Variants in ACOT11 observed in about 807,000 individuals in gnomAD.
ACOT11 encodes the protein acyl-CoA thioesterase 11.
Under a neutral mutation model 77.5 loss-of-function variants are expected in ACOT11, and 69 were observed. The observed-to-expected ratio is 0.89, with a 90% CI of 0.73 to 1.09. ACOT11 has a LOEUF of 1.09. Ranked by LOEUF, ACOT11 falls within the 50% of genes least tolerant of loss-of-function variation. ACOT11 has a pLI of 0.00. For missense variants in ACOT11, 766 were observed against 813.7 expected (o/e 0.94, Z 0.71); for synonymous variants, 279 against 313.0 (o/e 0.89, Z 1.15).
chr1:54,578,161 G>T (rs1467279118), intron 1 of ACOT11, among the ~76,000 whole-genome samples: 1 of 151,668 alleles, frequency 6.6e-6, no homozygotes, highest in East Asian at 1.9e-4. Context: ...AGATGCCAAA[G>T]TGACAAGGGG....
At chr1:54,590,054 C>T (rs1390006552) in intron 3 of ACOT11, among the ~76,000 whole-genome samples, 2 of 151,522 alleles carry the variant, frequency 1.3e-5, no homozygotes, top group Non-Finnish European at 2.9e-5. Context: ...TGCCATAGCA[C>T]TCCAGCCTGG....
chr1:54,607,365 C>G lies in ACOT11; in HGVS notation c.1502+100C>G. The G allele has an allele frequency of 6.4e-7, 1 of 1,554,028 alleles. No individual in the cohort carries two copies. The highest frequency in any genetic ancestry group is 2.3e-5 in the East Asian group (1 of 44,120). ...GAAGGGCATCAGCCTGGAGCCAGAGCTCTGCTTCCCATTGGCTGTGGGGCC... is the reference window on the plus strand; with the variant it reads ...GAAGGGCATCAGCCTGGAGCCAGAGGTCTGCTTCCCATTGGCTGTGGGGCC... On this transcript the variant is annotated intron_variant, in intron 14 of 15. Coordinates refer to ENST00000343744, the MANE Select transcript of ACOT11 (RefSeq NM_147161.4). The surrounding 1 kb of genome is among the most constrained non-coding windows in gnomAD (Gnocchi z 4.5).
downstream of ACOT11, chr1:54,614,959 TGC>T (rs1644157338): frequency 1.2e-5 from 14 of 1,210,450 alleles, no homozygotes; most frequent in East Asian, 2.4e-5. Context: ...TGTGTGCATG[TGC>T]GTGCACAGTG....
chr1:54,620,128 A>C (rs988715868), intron 15 of ACOT11: 1 of 1,064,518 alleles, frequency 9.4e-7, no homozygotes, highest in Non-Finnish European at 1.3e-6. Context: ...TGGCAGAGGG[A>C]CGGTGAGGCT....
chr1:54,608,786 A>G (rs866345749), intron 15 of ACOT11, among the ~76,000 whole-genome samples, 171 bp from the exon 16 acceptor site: 1 of 152,082 alleles, frequency 6.6e-6, no homozygotes, highest in Non-Finnish European at 1.5e-5. Flanking sequence ...GGAGGAGGTC[A>G]TGCTGGGCAA....
chr1:54,602,740 G>T lies in ACOT11; in HGVS notation c.1085+16G>T. On this transcript the variant is annotated intron_variant, in intron 10 of 15. Coordinates refer to ENST00000343744, the MANE Select transcript of ACOT11 (RefSeq NM_147161.4). ...GCCTGGACAGGTGAGTAGGGGCTGA[G>T]TGGTGGGCAGAATGTGGATTCGGGG... 2 of 1,526,316 alleles carry T rather than the reference G, an allele frequency of 1.3e-6. No homozygotes were observed. The highest frequency in any genetic ancestry group is 8.8e-7 in the Non-Finnish European group (1 of 1,138,030). The allele number at this position is 1,526,316 out of a possible 1,614,324, so 94.5% of individuals were successfully genotyped here.
At chr1:54,580,413 C>T (rs1352422219) in intron 1 of ACOT11, among the ~76,000 whole-genome samples, 4 of 152,166 alleles carry the variant, frequency 2.6e-5, no homozygotes, top group African/African-American at 7.2e-5. Context: ...ACTTCTTGGC[C>T]TGGCCCCCAA....
chr1:54,614,897 A>G, downstream of ACOT11: 1 of 1,600,606 alleles, frequency 6.2e-7, no homozygotes, highest in Non-Finnish European at 8.5e-7. Flanking sequence ...GAAATGGCGA[A>G]GGAACTAGGA....
At chr1:54,574,029 CAAAAA>C (rs368096166) in intron 1 of ACOT11, among the ~76,000 whole-genome samples, 1 of 87,380 alleles carries the variant, frequency 1.1e-5, no homozygotes, top group African/African-American at 4.0e-5. Flanking sequence ...AACTCCATCT[CAAAAA>C]AAAAAAAAAA....
At chr1:54,623,207 A>G in intron 15 of ACOT11, 1 of 998,422 alleles carries the variant, frequency 1.0e-6, no homozygotes, top group Non-Finnish European at 1.6e-6. Context: ...TCAGAGCTGT[A>G]AGTGAGAAGT....
intron 1 of ACOT11, among the ~76,000 whole-genome samples, chr1:54,566,555 G>A (rs543882487): frequency 3.7e-4 from 56 of 151,688 alleles, no homozygotes; most frequent in East Asian, 1.9e-3. Flanking sequence ...AAACTACCCC[G>A]AACCTTAGTA....
chr1:54,587,550 CTTTTTT>C (rs33913350), intron 3 of ACOT11, among the ~76,000 whole-genome samples: 2 of 73,542 alleles, frequency 2.7e-5, no homozygotes, highest in African/African-American at 5.9e-5. Context: ...GTTTGTAATC[CTTTTTT>C]TTTTTTTTTT....
intron 1 of ACOT11, among the ~76,000 whole-genome samples, chr1:54,579,625 G>A (rs1167305158): frequency 6.6e-6 from 1 of 152,208 alleles, no homozygotes; most frequent in East Asian, 1.9e-4. Context: ...GAGTGACCTG[G>A]TTCAGACAAT....
chr1:54,611,732 G>C (rs368604698), downstream of ACOT11: 43 of 1,614,106 alleles, frequency 2.7e-5, no homozygotes, highest in Non-Finnish European at 3.5e-5. Flanking sequence ...GCCTGCCACA[G>C]CGTCAGGCTG....
chr1:54,559,324 G>C (rs1345889389), intron 1 of ACOT11, among the ~76,000 whole-genome samples: 2 of 152,280 alleles, frequency 1.3e-5, no homozygotes, highest in African/African-American at 4.8e-5. Flanking sequence ...CCTCAGGGTC[G>C]AGGGAGGCTG....
At position 54,609,713 on chromosome 1, in the gene ACOT11, T is replaced by C; in HGVS notation, c.*601T>C. On this transcript the variant is annotated 3_prime_UTR_variant, in exon 16 of 16. Coordinates refer to ENST00000343744, the MANE Select transcript of ACOT11 (RefSeq NM_147161.4). ...TTTGGCCCCAACCCACACAGGCCAA[T>C]GCAAGAGGCCAAGGCTGGAGAGGCG... 6.2e-7 allele frequency: 1 copy of C among 1,614,060 alleles called. No homozygotes were observed. Among genetic ancestry groups the C allele is most frequent in the Non-Finnish European group, 8.5e-7 (1 of 1,179,992 alleles).
chr1:54,548,960 C>G (rs2100930265), intron 1 of ACOT11, among the ~76,000 whole-genome samples: 1 of 152,298 alleles, frequency 6.6e-6, no homozygotes, highest in East Asian at 1.9e-4. Context: ...CAGCGCCTGG[C>G]AGTGGATGGA....
At chr1:54,617,797 C>A (rs1221382491) in intron 15 of ACOT11, among the ~76,000 whole-genome samples, 1 of 141,258 alleles carries the variant, frequency 7.1e-6, no homozygotes, top group Non-Finnish European at 1.5e-5. Flanking sequence ...GATCACGGCT[C>A]ACTGCAACCT....
At chr1:54,605,249 C>T (rs769629567) in intron 13 of ACOT11, 40 bp downstream of exon 13, 69 of 1,599,320 alleles carry the variant, frequency 4.3e-5, no homozygotes, top group Non-Finnish European at 5.2e-5. Context: ...GTCCCTTCTC[C>T]GGCCTGATGA....
Sources: gnomAD v4.1 joint callset for allele counts (sites outside exome capture counted in the v4.1 genomes callset) on GRCh38, gnomAD v4.1.1 for gene constraint, Gnocchi (gnomAD v3.1) non-coding constraint, MANE v1.5 for transcripts, NCBI Gene and HGNC (gene_info 2026-07-23, HGNC 2026-07-21) for gene names.